CASKIN1: variants seen among roughly 807,000 people sequenced by gnomAD.
CASKIN1 encodes the protein caskin-1.
A neutral mutation model predicts 117.5 loss-of-function variants in CASKIN1; 42 were observed. The observed-to-expected ratio is 0.36, with a 90% CI of 0.28 to 0.46. CASKIN1 has a LOEUF of 0.46. Ranked by LOEUF, CASKIN1 falls within the 20% of genes least tolerant of loss-of-function variation. The probability of loss-of-function intolerance (pLI) is 1.00; values close to 1 mark genes in which losing one functional copy is unlikely to be tolerated. For missense variants in CASKIN1, 2,083 were observed against 2,077.3 expected (o/e 1.00, Z -0.05); for synonymous variants, 1,148 against 961.7 (o/e 1.19, Z -3.59).
At position 2,181,461 on chromosome 16, in the gene CASKIN1, G is replaced by A. The variant is rs370499776; in HGVS notation, c.1907C>T (p.Pro636Leu). ...LEVMAIESPP[P>L]PEPTPADCQS... ...GCAGTCGGCCGGTGTGGGCTCAGGCGGGGGCGGCGACTCGATGGCCATCAC... is the reference window on the plus strand; with the variant it reads ...GCAGTCGGCCGGTGTGGGCTCAGGCAGGGGCGGCGACTCGATGGCCATCAC... Residue 636 changes from proline to leucine, a missense_variant, in exon 18 of 20, where the codon CCG (proline) becomes CTG (leucine). By Grantham distance (98) the Pro-to-Leu change is moderately conservative (BLOSUM62 -3). Transcript: ENST00000343516. The A allele has an allele frequency of 7.5e-5, 121 of 1,611,902 alleles. No homozygotes were observed. The South Asian group carries it at 8.6e-4, about 11-fold the overall frequency.
At position 2,187,012 on chromosome 16, in the gene CASKIN1, G is replaced by A; in HGVS notation, c.896C>T (p.Thr299Ile). 1 of 1,613,818 alleles carries A rather than the reference G, an allele frequency of 6.2e-7. No individual in the cohort carries two copies. Among genetic ancestry groups the A allele is most frequent in the Non-Finnish European group, 8.5e-7 (1 of 1,179,932 alleles). Residue 299 changes from threonine to isoleucine, a missense_variant, in exon 9 of 20, where the codon ACC becomes ATC. By Grantham distance (89) the Thr-to-Ile change is moderately conservative (BLOSUM62 -1). This residue lies in a region of CASKIN1 where 1,818 missense variants were observed against 1,688.9 expected (regional missense o/e 1.08). Transcript: ENST00000343516. Reference sequence around the variant, plus strand: ...GTCCCCTGCCTTCACGTTGAGGCTGGTCAGGTCGTAATTGTTGCAATAATC... The same window carrying A: ...GTCCCCTGCCTTCACGTTGAGGCTGATCAGGTCGTAATTGTTGCAATAATC... Reference protein sequence around the residue: ...TKDYCNNYDLTSLNVKAGDII... With the variant: ...TKDYCNNYDLISLNVKAGDII...
At position 2,182,002 on chromosome 16, in the gene CASKIN1, GAGGA is replaced by G. The variant is rs2093169732; in HGVS notation, c.1630-77_1630-74del. 4 of 1,595,640 alleles carry G rather than the reference GAGGA, an allele frequency of 2.5e-6. No homozygotes were observed. The highest frequency in any genetic ancestry group is 1.3e-5 in the African/African-American group (1 of 74,640). On this transcript the variant is annotated intron_variant, in intron 16 of 19. Transcript: ENST00000343516. The surrounding 1 kb of genome is among the most constrained non-coding windows in gnomAD (Gnocchi z 4.1). ...CCTGCCCATCTACCTGGAGCTGGAG[GAGGA>G]AGGGTCACCGGGCCAGCAGGGCACA...
At chr16:2,188,146 A>G (rs2093190469) in intron 6 of CASKIN1, among the ~76,000 whole-genome samples, 1 of 149,784 alleles carries the variant, frequency 6.7e-6, no homozygotes, top group African/African-American at 2.5e-5. Context: ...AGCCTCCCAA[A>G]ATACTGGGAT....
Position 2,182,470 on chromosome 16 carries a change from C to T in CASKIN1, c.1630-541G>A, listed in dbSNP as rs946459088. On this transcript the variant is annotated intron_variant, in intron 16 of 19. Transcript: ENST00000343516. The surrounding 1 kb of genome is among the most constrained non-coding windows in gnomAD (Gnocchi z 4.1). Reference sequence around the variant, plus strand: ...CACCGAGAAACACCCGATCACTCCCCGAGCGGCATTCAGGCGTCCACACTT... The same window carrying T: ...CACCGAGAAACACCCGATCACTCCCTGAGCGGCATTCAGGCGTCCACACTT... 1.3e-5 allele frequency among the ~76,000 whole-genome samples: 2 copies of T among 152,062 alleles called. No homozygotes were observed. Among genetic ancestry groups the T allele is most frequent in the Admixed American group, 6.5e-5 (1 of 15,270 alleles).
rs547354912 is a variant in CASKIN1 at position 2,189,005 on chromosome 16, C to T, written c.617+22G>A. 10 of 1,602,084 alleles carry T rather than the reference C, an allele frequency of 6.2e-6. No homozygotes were observed. The East Asian group carries it at 2.2e-4, about 36-fold the overall frequency. On this transcript the variant is annotated intron_variant, in intron 6 of 19. Coordinates refer to ENST00000343516, the MANE Select transcript of CASKIN1 (RefSeq NM_020764.4). ...AACCCTGGGGACCCTAAGGCTGAGG[C>T]CCTCCCTGCTACCGGCTCTACCTGA...
At chr16:2,195,627 G>A (rs2093213535) in intron 1 of CASKIN1, among the ~76,000 whole-genome samples, 1 of 152,216 alleles carries the variant, frequency 6.6e-6, no homozygotes, top group African/African-American at 2.4e-5. Flanking sequence ...GGCCAGTGGT[G>A]GTCCCCCACT....
chr16:2,186,879 T>C, intron 9 of CASKIN1, 55 bp from the exon 10 acceptor site: 1 of 1,604,584 alleles, frequency 6.2e-7, no homozygotes, highest in Non-Finnish European at 8.5e-7. Flanking sequence ...CAGAGTCTCC[T>C]GCCCAGTGCC....
chr16:2,193,895 C>G (rs1352381188), intron 1 of CASKIN1, among the ~76,000 whole-genome samples: 1 of 152,178 alleles, frequency 6.6e-6, no homozygotes, highest in Admixed American at 6.5e-5. Context: ...TGAGAAGGGC[C>G]TGGGGCTGGG....
chr16:2,182,013 A>T lies in CASKIN1; in HGVS notation c.1630-84T>A. ...ACCTGGAGCTGGAGGAGGAAGGGTCACCGGGCCAGCAGGGCACAGACAGAC... is the reference window on the plus strand; with the variant it reads ...ACCTGGAGCTGGAGGAGGAAGGGTCTCCGGGCCAGCAGGGCACAGACAGAC... On this transcript the variant is annotated intron_variant, in intron 16 of 19. Transcript: ENST00000343516. The surrounding 1 kb of genome is among the most constrained non-coding windows in gnomAD (Gnocchi z 4.1). 1 of 1,584,362 alleles carries T rather than the reference A, an allele frequency of 6.3e-7. No homozygotes were observed. Among genetic ancestry groups the T allele is most frequent in the Non-Finnish European group, 8.6e-7 (1 of 1,160,612 alleles).
chr16:2,183,408 A>G (rs1169007337), intron 16 of CASKIN1, among the ~76,000 whole-genome samples: 2 of 151,234 alleles, frequency 1.3e-5, no homozygotes, highest in Admixed American at 1.3e-4. Context: ...TGGGGAGGGG[A>G]CTCTCCTGGC....
In CASKIN1 at chr16:2,177,774, G is replaced by GAC. The variant is rs1190284138; in HGVS notation, c.*774_*775dup. 4.1e-6 allele frequency: 1 copy of GAC among 244,812 alleles called. No individual in the cohort carries two copies. The highest frequency in any genetic ancestry group is 2.2e-5 in the African/African-American group (1 of 45,066). 15.2% of individuals were successfully genotyped at this position (244,812 alleles called of 1,614,324 possible). On this transcript the variant is annotated 3_prime_UTR_variant, in exon 20 of 20. Transcript: ENST00000343516. Reference sequence around the variant, plus strand: ...TGGGACGCAGCCACGCCAGGAGGAGGACACGGCCGCCGAGAGCAAGGCACA... The same window carrying GAC: ...TGGGACGCAGCCACGCCAGGAGGAGGACACACGGCCGCCGAGAGCAAGGCACA...
chr16:2,189,063 T>C lies in CASKIN1; in HGVS notation c.581A>G (p.His194Arg). The C allele has an allele frequency of 6.2e-7, 1 of 1,613,508 alleles. No individual in the cohort carries two copies. The highest frequency in any genetic ancestry group is 8.5e-7 in the Non-Finnish European group (1 of 1,179,720). Reference sequence around the variant, plus strand: ...GATGTGGCCGTTTTTAGCTGCGAGGTGCAAAGGGCTGGTGCCGTTGGGGTC... The same window carrying C: ...GATGTGGCCGTTTTTAGCTGCGAGGCGCAAAGGGCTGGTGCCGTTGGGGTC... ...ATDPNGTSPL[H>R]LAAKNGHIDI... is the part of the protein sequence containing the mutation. The change falls in exon 6 of 20, where the codon CAC becomes CGC. Residue 194 changes from histidine (H) to arginine (R), a missense_variant. Transcript: ENST00000343516.
At chr16:2,193,015 C>A (rs925085059) in intron 1 of CASKIN1, among the ~76,000 whole-genome samples, 8 of 152,014 alleles carry the variant, frequency 5.3e-5, no homozygotes, top group African/African-American at 9.7e-5. Context: ...TCTCGAAATT[C>A]TTTTTCTTTT....
rs1217370129 is a variant in CASKIN1 at position 2,181,798 on chromosome 16, G to A, written c.1761C>T (p.Thr587=). Reference sequence around the variant, plus strand: ...CTGGGGCTGGGGCCTCACCCAGCTTGGTGATGCCGATCTCCTGCAGGTCCT... The same window carrying A: ...CTGGGGCTGGGGCCTCACCCAGCTTAGTGATGCCGATCTCCTGCAGGTCCT... The part of the protein sequence containing the change: ...TWEDLQEIGI[T]KLGHQKKLML... The change falls in exon 17 of 20, where the codon ACC becomes ACT. Residue 587 remains threonine (T), a synonymous_variant. Transcript: ENST00000343516. The A allele has an allele frequency of 6.2e-7, 1 of 1,613,104 alleles. No individual in the cohort carries two copies. Among genetic ancestry groups the A allele is most frequent in the Non-Finnish European group, 8.5e-7 (1 of 1,179,840 alleles).
chr16:2,177,895 T>C lies in CASKIN1; in HGVS notation c.*655A>G, dbSNP rs2093147170. On this transcript the variant is annotated 3_prime_UTR_variant, in exon 20 of 20. Transcript: ENST00000343516. ...CCGGGCCCCAGCCTTCCACCTGTGC[T>C]AGCAGCCTGGGGCCTCCACTCTGGC... The C allele has an allele frequency of 3.1e-6, 1 of 317,584 alleles. No homozygotes were observed. 19.7% of individuals were successfully genotyped at this position (317,584 alleles called of 1,614,324 possible).
Position 2,179,974 on chromosome 16 carries a change from G to C in CASKIN1, c.3394C>G (p.Gln1132Glu). The C allele has an allele frequency of 6.2e-7, 1 of 1,606,312 alleles. No homozygotes were observed. The highest frequency in any genetic ancestry group is 8.5e-7 in the Non-Finnish European group (1 of 1,177,000). ...ATLKRRIRAK[Q>E]NQQENVKFIL... ...AACTTGACGTTCTCCTGCTGGTTCT[G>C]CTTGGCCCGGATGCGCCTCTTGAGT... Residue 1132 changes from glutamine (Q) to glutamate (E), a missense_variant, in exon 18 of 20, where the codon CAG (glutamine) becomes GAG (glutamate). Physicochemically the swap from Gln to Glu is conservative, Grantham distance 29 (BLOSUM62 2). This residue lies in a region of CASKIN1 where 1,818 missense variants were observed against 1,688.9 expected (regional missense o/e 1.08). Transcript: ENST00000343516. This position sits in a 1 kb window ranked among gnomAD's most constrained non-coding sequence, Gnocchi z 5.8.
At chr16:2,187,327 C>T in intron 7 of CASKIN1, 26 bp downstream of exon 7, 1 of 1,613,220 alleles carries the variant, frequency 6.2e-7, no homozygotes, top group Non-Finnish European at 8.5e-7. Context: ...TCCACTGGGC[C>T]CAGCGCCCCT....
At chr16:2,189,720 G>A (rs1441155355) in intron 3 of CASKIN1, among the ~76,000 whole-genome samples, 156 bp from the exon 4 acceptor site, 1 of 150,410 alleles carries the variant, frequency 6.6e-6, no homozygotes. Flanking sequence ...CAACCCTTGG[G>A]GTTGGGGGCG....
At position 2,187,256 on chromosome 16, in the gene CASKIN1, C is replaced by A; in HGVS notation, c.745G>T (p.Val249Leu). The A allele has an allele frequency of 6.2e-7, 1 of 1,614,032 alleles. No homozygotes were observed. Among genetic ancestry groups the A allele is most frequent in the Non-Finnish European group, 8.5e-7 (1 of 1,179,970 alleles). Reference sequence around the variant, plus strand: ...GCTGTCTGGCTGTAGGTGTTCCTCACGTGGGCATTGATCCCGCTCTGCACA... The same window carrying A: ...GCTGTCTGGCTGTAGGTGTTCCTCAAGTGGGCATTGATCCCGCTCTGCACA... Reference protein sequence around the residue: ...LLLDSGINAHVRNTYSQTALD... With the variant: ...LLLDSGINAHLRNTYSQTALD... Residue 249 changes from valine to leucine, a missense_variant, in exon 8 of 20, where the codon GTG becomes TTG. Coordinates refer to ENST00000343516, the MANE Select transcript of CASKIN1 (RefSeq NM_020764.4).
Sources: gnomAD v4.1 joint callset for allele counts (sites outside exome capture counted in the v4.1 genomes callset) on GRCh38, gnomAD v4.1.1 for gene constraint, gnomAD v4.1.1 regional missense constraint, Gnocchi (gnomAD v3.1) non-coding constraint, MANE v1.5 for transcripts, NCBI Gene and HGNC (gene_info 2026-07-23, HGNC 2026-07-21) for gene names.